PALD1: variants seen among roughly 807,000 people sequenced by gnomAD.
PALD1 encodes the protein paladin.
Under a neutral mutation model 96.0 loss-of-function variants are expected in PALD1, and 57 were observed. The ratio of observed to expected loss-of-function variants is 0.59; its 90% CI spans 0.48 to 0.74. The LOEUF is 0.74. Ranked by LOEUF, PALD1 falls within the 30% of genes least tolerant of loss-of-function variation. The pLI, the probability that PALD1 is intolerant of heterozygous loss-of-function variation, is 0.00. For synonymous variants in PALD1, 464 were observed against 473.6 expected, an observed-to-expected ratio of 0.98 and a Z score of 0.26; for missense variants, 1,063 against 1,143.7, an observed-to-expected ratio of 0.93 and a Z score of 1.02.
the PALD1 span, among the ~76,000 whole-genome samples, chr10:70,470,291 C>A: frequency 6.6e-6 from 1 of 152,278 alleles, no homozygotes; most frequent in South Asian, 2.1e-4. Flanking sequence ...ATACTATTCT[C>A]TACATTTGTG....
intron 1 of PALD1, among the ~76,000 whole-genome samples, chr10:70,495,501 A>G (rs541543960): frequency 6.6e-6 from 1 of 152,106 alleles, no homozygotes; most frequent in African/African-American, 2.4e-5. Context: ...AATTACGTGT[A>G]TTGGCTGGGA....
intron 17 of PALD1, among the ~76,000 whole-genome samples, 171 bp from the exon 18 acceptor site, chr10:70,547,135 C>T (rs1847382607): frequency 6.6e-6 from 1 of 152,196 alleles, no homozygotes; most frequent in Non-Finnish European, 1.5e-5. Context: ...CGGAGATGTT[C>T]AGGATCCCCC....
chr10:70,486,761 A>C (rs1021955259), intron 1 of PALD1, among the ~76,000 whole-genome samples: 1 of 152,084 alleles, frequency 6.6e-6, no homozygotes, highest in African/African-American at 2.4e-5. Context: ...ATTCTGTCTC[A>C]AAAAACAAAA....
At chr10:70,538,448 G>T (rs764158354) in intron 12 of PALD1, 40 bp downstream of exon 12, 14 of 1,594,302 alleles carry the variant, frequency 8.8e-6, no homozygotes, top group Non-Finnish European at 2.6e-6. Context: ...GCATGGCTGT[G>T]TACTGGCCCT....
intron 1 of PALD1, among the ~76,000 whole-genome samples, chr10:70,508,843 C>CTGTGTGTGTGTGTGTGTGTGTGTG (rs61307157): frequency 0.021 from 1,998 of 94,590 alleles, 257 homozygotes; most frequent in African/African-American, 0.059. Flanking sequence ...GCTGCGGAAC[C>CTGTGTGTGTGTGTGTGTGTGTGTG]TGTGTGTGTG....
intron 2 of PALD1, among the ~76,000 whole-genome samples, chr10:70,526,641 C>T (rs7905601): frequency 0.16 from 23,838 of 152,082 alleles, 2,291 homozygotes; most frequent in Admixed American, 0.23. Flanking sequence ...GAGATCTGTA[C>T]ATACTGTGTG....
At chr10:70,533,898 C>T in intron 7 of PALD1, 24 bp from the exon 8 acceptor site, 1 of 1,556,102 alleles carries the variant, frequency 6.4e-7, no homozygotes, top group South Asian at 1.2e-5. Context: ...CTCACTGGGG[C>T]CTGATCCTCA....
At chr10:70,520,685 C>CTTTTTTTTTTTTTTTTTT (rs10545684) in intron 1 of PALD1, among the ~76,000 whole-genome samples, 19 of 87,674 alleles carry the variant, frequency 2.2e-4, no homozygotes, top group South Asian at 5.3e-4. Context: ...TTCTTTCTTT[C>CTTTTTTTTTTTTTTTTTT]TTTTTTTTTT....
At chr10:70,478,688 C>T (rs1426881529), upstream of PALD1, 1 of 152,004 alleles carries the variant, frequency 6.6e-6, no homozygotes, top group Non-Finnish European at 1.5e-5. Flanking sequence ...GAGCCCCCCG[C>T]CCCTCGCGGT....
chr10:70,464,037 T>C, the PALD1 span, among the ~76,000 whole-genome samples: 2 of 152,160 alleles, frequency 1.3e-5, no homozygotes, highest in African/African-American at 4.8e-5. Flanking sequence ...ACGTAACCCC[T>C]ATCCAGATCA....
In PALD1 at chr10:70,539,674, A is replaced by G. The variant is rs1287683384; in HGVS notation, c.1820A>G (p.Gln607Arg). 1 of 1,613,570 alleles carries G rather than the reference A, an allele frequency of 6.2e-7. No individual in the cohort carries two copies. Among genetic ancestry groups the G allele is most frequent in the Non-Finnish European group, 8.5e-7 (1 of 1,179,812 alleles). Reference protein sequence around the residue: ...TYRFQTCLTMQEVFSQHRRAC... With the variant: ...TYRFQTCLTMREVFSQHRRAC... ...AGGTTCCAGACCTGCCTTACCATGC[A>G]GGAGGTCTTCAGCCAGCACCGCAGG... Residue 607 changes from glutamine (Q) to arginine (R), a missense_variant, in exon 15 of 20, where the codon CAG becomes CGG. By Grantham distance (43) the Gln-to-Arg change is conservative. Coordinates refer to ENST00000263563, the MANE Select transcript of PALD1 (RefSeq NM_014431.3). This position sits in a 1 kb window ranked among gnomAD's most constrained non-coding sequence, Gnocchi z 4.5.
chr10:70,525,887 A>G, intron 1 of PALD1, 36 bp from the exon 2 acceptor site: 2 of 1,563,938 alleles, frequency 1.3e-6, no homozygotes, highest in Non-Finnish European at 1.8e-6. Flanking sequence ...GGATTTTCCC[A>G]TCCCCTCCTT....
chr10:70,522,779 G>A (rs1156880158), intron 1 of PALD1, among the ~76,000 whole-genome samples: 2 of 152,262 alleles, frequency 1.3e-5, no homozygotes, highest in East Asian at 1.9e-4. Context: ...GCAGGTGACC[G>A]CCGTGCTGTG....
upstream of PALD1, among the ~76,000 whole-genome samples, chr10:70,477,873 G>C (rs1305789910): frequency 6.6e-6 from 1 of 151,394 alleles, no homozygotes; most frequent in East Asian, 2.0e-4. Context: ...GAGGGAGGAA[G>C]TGACTCACCA....
chr10:70,485,076 T>A (rs1845994905), intron 1 of PALD1, among the ~76,000 whole-genome samples: 1 of 152,232 alleles, frequency 6.6e-6, no homozygotes, highest in South Asian at 2.1e-4. Context: ...TGAATTGTCC[T>A]TCTGTTGGGA....
chr10:70,552,022 AC>A (rs1396753947), intron 18 of PALD1, among the ~76,000 whole-genome samples: 1 of 152,146 alleles, frequency 6.6e-6, no homozygotes, highest in Non-Finnish European at 1.5e-5. Context: ...GGCCCACGGG[AC>A]GTCTCTCGCC....
chr10:70,507,750 CGTGT>C (rs10579511), intron 1 of PALD1, among the ~76,000 whole-genome samples: 7,807 of 148,620 alleles, frequency 0.053, 398 homozygotes, highest in African/African-American at 0.13. Flanking sequence ...TTTGTGTGTG[CGTGT>C]GTGTGTGTGT....
Position 70,532,622 on chromosome 10 carries a change from T to A in PALD1, c.635T>A (p.Ile212Asn). 6.2e-7 allele frequency: 1 copy of A among 1,613,876 alleles called. No individual in the cohort carries two copies. Among genetic ancestry groups the A allele is most frequent in the Non-Finnish European group, 8.5e-7 (1 of 1,179,876 alleles). The stretch of plus-strand genomic sequence containing the variant: ...TCTGACCCCCACACCTCCCTCTAGA[T>A]CCACGACTTTGCCCAGCTGAGCGAG... Reference protein sequence around the residue: ...ESLELAIRKEIHDFAQLSENT... With the variant: ...ESLELAIRKENHDFAQLSENT... Residue 212 changes from isoleucine (I) to asparagine (N), a missense_variant and splice_region_variant, in exon 6 of 20, where the codon ATC becomes AAC. Ile to Asn is a moderately radical substitution (Grantham distance 149, BLOSUM62 -3). Transcript: ENST00000263563.
At chr10:70,511,139 A>G (rs936399988) in intron 1 of PALD1, among the ~76,000 whole-genome samples, 4 of 152,232 alleles carry the variant, frequency 2.6e-5, no homozygotes, top group African/African-American at 9.6e-5. Flanking sequence ...GTGGCATGTG[A>G]TCACTGAGGG....
Sources: gnomAD v4.1 joint callset for allele counts (sites outside exome capture counted in the v4.1 genomes callset) on GRCh38, gnomAD v4.1.1 for gene constraint, Gnocchi (gnomAD v3.1) non-coding constraint, MANE v1.5 for transcripts, NCBI Gene and HGNC (gene_info 2026-07-23, HGNC 2026-07-21) for gene names.